Variants in PSKH1 observed in about 807,000 individuals in gnomAD.
The protein encoded by PSKH1 is protein serine kinase H1, also known as serine/threonine-protein kinase H1.
PSKH1 carries 12 observed loss-of-function variants against 26.7 expected under a neutral mutation model. The ratio of observed to expected loss-of-function variants is 0.45; its 90% CI spans 0.29 to 0.73. The LOEUF (loss-of-function observed/expected upper bound fraction) is 0.73, where lower values mean the gene tolerates loss of function less well. Ranked by LOEUF, PSKH1 falls within the 30% of genes least tolerant of loss-of-function variation. The pLI is 0.11. For synonymous variants in PSKH1, 213 were observed against 234.3 expected (o/e 0.91, Z 0.83); for missense variants, 431 against 595.2 (o/e 0.72, Z 2.87).
At chr16:67,907,371 C>T (rs1001214064) in intron 1 of PSKH1, among the ~76,000 whole-genome samples, 2 of 152,010 alleles carry the variant, frequency 1.3e-5, no homozygotes, top group Non-Finnish European at 2.9e-5. Context: ...AGCAATTCTT[C>T]TGCCTCAGCC....
chr16:67,905,794 GGCT>G (rs1193479338), intron 1 of PSKH1, among the ~76,000 whole-genome samples: 1 of 152,170 alleles, frequency 6.6e-6, no homozygotes, highest in African/African-American at 2.4e-5. Context: ...GGGAGGCAGA[GGCT>G]GCAGTTAGCT....
At chr16:67,911,542 T>C (rs1164293412) in intron 2 of PSKH1, among the ~76,000 whole-genome samples, 3 of 152,018 alleles carry the variant, frequency 2.0e-5, no homozygotes, top group Non-Finnish European at 2.9e-5. Flanking sequence ...ATTAGCCGGG[T>C]GTGGCAGCGG....
rs1021333823 is a variant in PSKH1, at chr16:67,927,552, C to T, written c.1185C>T (p.Ser395=). ...AATCTGCCCAGTCCACGCGTTCCAG[C>T]CGCTCCACACGCTCCAATAAGTCAC... The part of the protein sequence containing the change: ...STKSAQSTRS[S]RSTRSNKSRR... The change falls in exon 3 of 3, where the codon AGC becomes AGT. Residue 395 remains serine (S), a synonymous_variant. Coordinates refer to ENST00000291041, the MANE Select transcript of PSKH1 (RefSeq NM_006742.3). This position sits in a 1 kb window ranked among gnomAD's most constrained non-coding sequence, Gnocchi z 5.5. The T allele has an allele frequency of 6.2e-7, 1 of 1,613,962 alleles. No homozygotes were observed. Among genetic ancestry groups the T allele is most frequent in the Non-Finnish European group, 8.5e-7 (1 of 1,180,038 alleles).
In PSKH1 at chr16:67,909,752, G is replaced by C; in HGVS notation, c.957+46G>C. ...TCCTGGATGTTGGGGAGGCACCTGC[G>C]GGGGCAGGTATATCCTGCAGCTCTC... On this transcript the variant is annotated intron_variant, in intron 2 of 2. Coordinates refer to ENST00000291041, the MANE Select transcript of PSKH1 (RefSeq NM_006742.3). The surrounding 1 kb of genome is among the most constrained non-coding windows in gnomAD (Gnocchi z 7.8). 2 of 1,545,740 alleles carry C rather than the reference G, an allele frequency of 1.3e-6. No individual in the cohort carries two copies. The highest frequency in any genetic ancestry group is 2.3e-5 in the South Asian group (2 of 87,880).
intron 2 of PSKH1, among the ~76,000 whole-genome samples, chr16:67,914,615 C>T (rs758455972): frequency 1.6e-4 from 25 of 151,906 alleles, no homozygotes; most frequent in African/African-American, 4.4e-4. Context: ...CCACCATGCC[C>T]GGCTAATTTT....
intron 2 of PSKH1, among the ~76,000 whole-genome samples, chr16:67,921,616 C>T (rs1426167269): frequency 6.6e-6 from 1 of 151,944 alleles, no homozygotes; most frequent in African/African-American, 2.4e-5. Flanking sequence ...AATCAAAAAA[C>T]CAGGCTGGGC....
intron 2 of PSKH1, among the ~76,000 whole-genome samples, chr16:67,914,840 TGAGGGTCCAGCTGGCA>T (rs2058182697): frequency 1.3e-5 from 2 of 152,088 alleles, no homozygotes; most frequent in Non-Finnish European, 2.9e-5. Flanking sequence ...GCCAGGCTGT[TGAGGGTCCAGCTGGCA>T]GAGGGGGCAT....
At chr16:67,919,228 G>A (rs1265511295) in intron 2 of PSKH1, among the ~76,000 whole-genome samples, 1 of 152,182 alleles carries the variant, frequency 6.6e-6, no homozygotes, top group East Asian at 1.9e-4. Context: ...TCTCCTGGAT[G>A]CTTTAATTGC....
intron 2 of PSKH1, among the ~76,000 whole-genome samples, chr16:67,920,772 G>A (rs1397687725): frequency 2.0e-5 from 3 of 152,236 alleles, no homozygotes; most frequent in African/African-American, 7.2e-5. Flanking sequence ...CTCGGTAGAT[G>A]TGTGGTGCCC....
intron 1 of PSKH1, among the ~76,000 whole-genome samples, chr16:67,896,039 A>T (rs2058125423): frequency 6.6e-6 from 1 of 152,176 alleles, no homozygotes; most frequent in South Asian, 2.1e-4. Context: ...AGTTAATGGA[A>T]GCCACTTTTA....
chr16:67,917,899 A>G (rs2058191834), intron 2 of PSKH1, among the ~76,000 whole-genome samples: 1 of 152,108 alleles, frequency 6.6e-6, no homozygotes, highest in African/African-American at 2.4e-5. Context: ...GAGGCACTGG[A>G]GTGGAGAGGG....
At chr16:67,902,481 G>C (rs554139907) in intron 1 of PSKH1, among the ~76,000 whole-genome samples, 2 of 152,090 alleles carry the variant, frequency 1.3e-5, no homozygotes, top group African/African-American at 4.8e-5. Context: ...ATTTTTAGTA[G>C]AGACGGGGTT....
intron 1 of PSKH1, among the ~76,000 whole-genome samples, chr16:67,897,124 G>C (rs1032816555): frequency 3.3e-5 from 5 of 152,180 alleles, no homozygotes; most frequent in African/African-American, 1.2e-4. Flanking sequence ...CAGGATAGCT[G>C]AGAACAGCTG....
intron 1 of PSKH1, among the ~76,000 whole-genome samples, chr16:67,902,344 A>AG (rs1253840095): frequency 6.6e-6 from 1 of 151,950 alleles, no homozygotes; most frequent in African/African-American, 2.4e-5. Context: ...TCTCTCACCC[A>AG]GGCTGGAGTA....
At chr16:67,894,324 A>G (rs2058120193) in intron 1 of PSKH1, among the ~76,000 whole-genome samples, 1 of 152,102 alleles carries the variant, frequency 6.6e-6, no homozygotes. Flanking sequence ...GGCTAAGTTT[A>G]AAATTTTTTG....
In PSKH1 at chr16:67,927,944, G is replaced by A. The variant is rs774860122; in HGVS notation, c.*302G>A. The A allele has an allele frequency of 2.5e-5, 11 of 442,228 alleles. No homozygotes were observed. Among genetic ancestry groups the A allele is most frequent in the Non-Finnish European group, 4.1e-5 (10 of 244,118 alleles). The allele number at this position is 442,228 out of a possible 1,614,324, so 27.4% of individuals were successfully genotyped here. Reference sequence around the variant, plus strand: ...GTGGAGTTGGGAAGGGATAGGACCTGGCCTTCACTGTCTCCCTTGCCCTTT... The same window carrying A: ...GTGGAGTTGGGAAGGGATAGGACCTAGCCTTCACTGTCTCCCTTGCCCTTT... On this transcript the variant is annotated 3_prime_UTR_variant, in exon 3 of 3. Transcript: ENST00000291041. The surrounding 1 kb of genome is among the most constrained non-coding windows in gnomAD (Gnocchi z 5.5).
At chr16:67,894,275 C>G (rs752025505) in intron 1 of PSKH1, among the ~76,000 whole-genome samples, 3 of 152,210 alleles carry the variant, frequency 2.0e-5, no homozygotes, top group Non-Finnish European at 4.4e-5. Context: ...GCCTCAACCT[C>G]CCGAGTAGCT....
At chr16:67,904,494 G>A (rs1462872161) in intron 1 of PSKH1, among the ~76,000 whole-genome samples, 4 of 151,898 alleles carry the variant, frequency 2.6e-5, no homozygotes, top group Middle Eastern at 3.2e-3. Flanking sequence ...ATGAGCCACC[G>A]CGCCCCGCCT....
rs183341289 is a variant in PSKH1, at chr16:67,907,209, C to T, written c.-70-1471C>T. On this transcript the variant is annotated intron_variant, in intron 1 of 2. Coordinates refer to ENST00000291041, the MANE Select transcript of PSKH1 (RefSeq NM_006742.3). ...CGATCTCCTGACCTTGTGATCCGCC[C>T]GCCTCGGTCTCCCAAAGTGCTGAGG... Among the ~76,000 whole-genome samples, 86 of 151,828 alleles carry T rather than the reference C, an allele frequency of 5.7e-4. No individual in the cohort carries two copies. In the East Asian group the frequency reaches 0.013, roughly 23 times the overall value.
Sources: allele counts gnomAD v4.1 joint callset (sites outside exome capture counted in the v4.1 genomes callset), GRCh38; gene constraint gnomAD v4.1.1; non-coding constraint Gnocchi (gnomAD v3.1); transcripts MANE v1.5; gene names NCBI Gene and HGNC (gene_info 2026-07-23, HGNC 2026-07-21).